Variants in MCF2 observed in about 807,000 individuals in gnomAD.
The protein encoded by MCF2 is proto-oncogene DBL.
A neutral mutation model predicts 82.5 loss-of-function variants in MCF2; 44 were observed. The observed-to-expected ratio is 0.53, with a 90% CI of 0.42 to 0.69. The LOEUF (loss-of-function observed/expected upper bound fraction) is 0.69. Ranked by LOEUF, MCF2 falls within the 30% of genes least tolerant of loss-of-function variation. MCF2 has a pLI of 0.00. For missense variants in MCF2, 623 were observed against 663.1 expected, an observed-to-expected ratio of 0.94 and a Z score of 0.66; for synonymous variants, 217 against 224.9, an observed-to-expected ratio of 0.96 and a Z score of 0.32.
chrX:139,610,341 G>T lies in MCF2; in HGVS notation c.1364-3C>A. On this transcript the variant is annotated splice_polypyrimidine_tract_variant and splice_region_variant and intron_variant, in intron 10 of 24. Coordinates refer to ENST00000370576, the Ensembl canonical transcript of MCF2. ...ATTTTGTCTCCAAGTCTTCTTCCCT[G>T]GTAGAGAAATGTGAAAGAAGAATTT... is the stretch of plus-strand genomic sequence containing the variant. The T allele has an allele frequency of 8.6e-7, 1 of 1,160,409 alleles. No individual in the cohort carries two copies. Among genetic ancestry groups the T allele is most frequent in the Non-Finnish European group, 1.2e-6 (1 of 859,302 alleles).
intron 1 of MCF2, among the ~76,000 whole-genome samples, chrX:139,668,468 C>T (rs954094903): frequency 4.5e-5 from 5 of 111,136 alleles, no homozygotes. Flanking sequence ...GATAGAGGGC[C>T]TCTTCCATGG....
Position 139,662,555 on chromosome X carries a change from C to T in MCF2, c.-44-10767G>A, listed in dbSNP as rs751821061. Among the ~76,000 whole-genome samples the T allele has an allele frequency of 6.4e-4, 71 of 110,762 alleles. 1 individual carries two copies. The highest frequency in any genetic ancestry group is 1.2e-3 in the Non-Finnish European group (62 of 52,791). ...GAATGGAGAGTCCAAAAAAGTAGCC[C>T]ATATATTGAGGGTCAGTTGATTTTT... On this transcript the variant is annotated intron_variant, in intron 1 of 27. Transcript: ENST00000414978.
At chrX:139,687,837 A>C (rs1374333795) in intron 1 of MCF2, among the ~76,000 whole-genome samples, 1 of 112,422 alleles carries the variant, frequency 8.9e-6, no homozygotes, top group Non-Finnish European at 1.9e-5. Context: ...GAAAAGAAAA[A>C]GATGTTTTGC....
chrX:139,635,330 G>A (rs774792460), intron 1 of MCF2, among the ~76,000 whole-genome samples: 3 of 110,920 alleles, frequency 2.7e-5, no homozygotes, highest in Admixed American at 9.6e-5. Context: ...TATTATGTAC[G>A]TAATGTATAT....
chrX:139,638,712 C>T (rs780102060), intron 1 of MCF2, among the ~76,000 whole-genome samples: 2 of 111,828 alleles, frequency 1.8e-5, no homozygotes, highest in South Asian at 3.8e-4. Flanking sequence ...CTAAACAAAA[C>T]GCATCTGTGC....
chrX:139,703,162 A>ATG lies in MCF2; in HGVS notation c.-45+4942_-45+4943dup, dbSNP rs748268714. Among the ~76,000 whole-genome samples, 10 of 111,975 alleles carry ATG rather than the reference A, an allele frequency of 8.9e-5. No homozygotes were observed. In the East Asian group the frequency reaches 2.8e-3, roughly 32 times the overall value. On this transcript the variant is annotated intron_variant, in intron 1 of 27. Transcript: ENST00000414978. ...TCTTCTGCATGTGTTAATCCCAGTA[A>ATG]TGTGCCCTAATACACCTTCTGTATC...
upstream of MCF2, chrX:139,647,026 C>A: frequency 2.3e-6 from 1 of 438,357 alleles, no homozygotes. Context: ...TGATGATCTC[C>A]ACATAAAACC....
intron 4 of MCF2, 46 bp from the exon 8 acceptor site, chrX:139,626,802 C>T (rs1286415384): frequency 9.1e-7 from 1 of 1,093,600 alleles, no homozygotes; most frequent in Non-Finnish European, 1.3e-6. Context: ...GTAATCCAAC[C>T]TGAATGATGT....
chrX:139,660,077 A>G (rs1934315578), intron 1 of MCF2, among the ~76,000 whole-genome samples: 1 of 111,801 alleles, frequency 8.9e-6, no homozygotes, highest in African/African-American at 3.3e-5. Flanking sequence ...TATTCATTTG[A>G]AAGACTCATA....
At chrX:139,694,973 A>G (rs1569405238) in intron 1 of MCF2, among the ~76,000 whole-genome samples, 2 of 108,602 alleles carry the variant, frequency 1.8e-5, no homozygotes, top group Non-Finnish European at 3.8e-5. Context: ...GTAGTTTTGC[A>G]AGATGTTACC....
chrX:139,592,228 C>T (rs1337063594), intron 19 of MCF2, among the ~76,000 whole-genome samples: 1 of 111,617 alleles, frequency 9.0e-6, no homozygotes, highest in Non-Finnish European at 1.9e-5. Flanking sequence ...TTTCTTCCTT[C>T]AATGTCAGGT....
chrX:139,607,311 A>T (rs1389214001), intron 12 of MCF2: 1 of 113,732 alleles, frequency 8.8e-6, no homozygotes, highest in Non-Finnish European at 1.8e-5. Flanking sequence ...TTAATAGATA[A>T]GCTAACTACC....
At chrX:139,627,097 A>G (rs961205314) in intron 4 of MCF2, among the ~76,000 whole-genome samples, 1 of 111,462 alleles carries the variant, frequency 9.0e-6, no homozygotes, top group Non-Finnish European at 1.9e-5. Context: ...CTAATATTTT[A>G]TTTTTATTTA....
At chrX:139,621,505 A>G (rs1265567846) in intron 6 of MCF2, among the ~76,000 whole-genome samples, 1 of 111,480 alleles carries the variant, frequency 9.0e-6, no homozygotes, top group African/African-American at 3.3e-5. Flanking sequence ...TCAACAAGCA[A>G]AAAACTAATA....
chrX:139,704,606 A>C (rs1435271489), intron 1 of MCF2, among the ~76,000 whole-genome samples: 1 of 111,771 alleles, frequency 8.9e-6, no homozygotes, highest in Non-Finnish European at 1.9e-5. Flanking sequence ...ATGAAAAATT[A>C]AACAAAAATA....
At chrX:139,620,027 G>A (rs6635897) in intron 6 of MCF2, among the ~76,000 whole-genome samples, 10,177 of 100,250 alleles carry the variant, frequency 0.1, 1,025 homozygotes, top group African/African-American at 0.32. Context: ...GTGTGTGTGT[G>A]TATATATATA....
At chrX:139,644,699 G>A (rs184035933), upstream of MCF2, among the ~76,000 whole-genome samples, 7 of 112,475 alleles carry the variant, frequency 6.2e-5, no homozygotes, top group Admixed American at 1.9e-4. Context: ...ACTAAATCAA[G>A]TTCTTGTGGT....
chrX:139,585,120 G>T (rs1928835624), exon 24 of MCF2: 1 of 1,204,636 alleles, frequency 8.3e-7, no homozygotes. Flanking sequence ...AGAAATAGTT[G>T]CTTGACCATT....
intron 1 of MCF2, among the ~76,000 whole-genome samples, chrX:139,641,166 G>T (rs1025598145): frequency 1.9e-5 from 2 of 104,819 alleles, no homozygotes; most frequent in Non-Finnish European, 3.9e-5. Flanking sequence ...TCAGCACTGA[G>T]AATATATATA....
Sources: allele counts gnomAD v4.1 joint callset (sites outside exome capture counted in the v4.1 genomes callset), GRCh38; gene constraint gnomAD v4.1.1; transcripts MANE v1.5; gene names NCBI Gene and HGNC (gene_info 2026-07-23, HGNC 2026-07-21).